TMCC3: variants seen among roughly 807,000 people sequenced by gnomAD.
TMCC3 encodes transmembrane and coiled-coil domain protein 3.
TMCC3 carries 28 observed loss-of-function variants against 40.2 expected under a neutral mutation model. That is an observed-to-expected ratio of 0.70 (90% confidence interval 0.52 to 0.95). TMCC3 has a LOEUF of 0.95. Among genes scored for constraint, TMCC3 ranks in the 40% least tolerant of loss-of-function variants. TMCC3 has a pLI of 0.00. For missense variants in TMCC3, 554 were observed against 615.2 expected (o/e 0.90, Z 1.05); for synonymous variants, 255 against 248.5 (o/e 1.03, Z -0.25).
intron 1 of TMCC3, among the ~76,000 whole-genome samples, chr12:94,613,253 C>A (rs1594287942): frequency 6.6e-6 from 1 of 151,996 alleles, no homozygotes; most frequent in East Asian, 1.9e-4. Flanking sequence ...CACATAAGCC[C>A]AGAGTTCGAG....
intron 1 of TMCC3, among the ~76,000 whole-genome samples, chr12:94,624,081 G>A (rs189011712): frequency 8.5e-5 from 13 of 152,268 alleles, no homozygotes; most frequent in East Asian, 5.8e-4. Context: ...ACTGCAATAC[G>A]ATACCACTTC....
chr12:94,570,438 CA>C lies in TMCC3; in HGVS notation c.*996del, dbSNP rs1171429309. On this transcript the variant is annotated 3_prime_UTR_variant, in exon 4 of 4. Coordinates refer to ENST00000261226, the MANE Select transcript of TMCC3 (RefSeq NM_020698.4). ...ATCACATAAAGTGAATCATATCCTC[CA>C]GGGGGGCTTATCACAATCAAGATTT... 2 of 152,140 alleles carry C rather than the reference CA, an allele frequency of 1.3e-5. No homozygotes were observed. Among genetic ancestry groups the C allele is most frequent in the Non-Finnish European group, 2.9e-5 (2 of 68,032 alleles). The allele number at this position is 152,140 out of a possible 1,614,324, so 9.4% of individuals were successfully genotyped here.
chr12:94,626,691 G>A lies in TMCC3; in HGVS notation c.78+23662C>T, dbSNP rs543687707. Among the ~76,000 whole-genome samples, 8 of 152,254 alleles carry A rather than the reference G, an allele frequency of 5.3e-5. No homozygotes were observed. In the South Asian group the frequency reaches 1.2e-3, roughly 24 times the overall value. ...GAGTCACAAGTTACAAGGATGCCAC[G>A]GCTCATGCAGACTTGGGCACAGGTT... On this transcript the variant is annotated intron_variant, in intron 1 of 3. Transcript: ENST00000261226.
chr12:94,596,745 T>C (rs2068717396), intron 1 of TMCC3, among the ~76,000 whole-genome samples: 1 of 152,064 alleles, frequency 6.6e-6, no homozygotes, highest in Admixed American at 6.6e-5. Context: ...AGTTGTTGAC[T>C]AGCAGCCAAC....
intron 1 of TMCC3, among the ~76,000 whole-genome samples, chr12:94,609,161 G>C (rs1336195819): frequency 3.3e-5 from 5 of 152,130 alleles, no homozygotes; most frequent in African/African-American, 9.7e-5. Flanking sequence ...CCAGGAGTTC[G>C]AGGTTGCAGT....
intron 1 of TMCC3, among the ~76,000 whole-genome samples, chr12:94,626,786 T>A (rs2068906256): frequency 6.6e-6 from 1 of 152,190 alleles, no homozygotes; most frequent in African/African-American, 2.4e-5. Flanking sequence ...ATTTACGTTA[T>A]CTTACATAAG....
intron 1 of TMCC3, among the ~76,000 whole-genome samples, chr12:94,583,679 T>C (rs2068621074): frequency 6.6e-6 from 1 of 152,214 alleles, no homozygotes; most frequent in African/African-American, 2.4e-5. Flanking sequence ...TCCCAGGGTC[T>C]ATGGATGCCT....
intron 1 of TMCC3, among the ~76,000 whole-genome samples, chr12:94,649,635 C>A (rs889071047): frequency 2.0e-5 from 3 of 152,250 alleles, no homozygotes; most frequent in African/African-American, 7.2e-5. Context: ...GGCTTCCTCT[C>A]CCAGGACAGA....
chr12:94,628,957 A>C (rs930103059), intron 1 of TMCC3, among the ~76,000 whole-genome samples: 4 of 152,152 alleles, frequency 2.6e-5, no homozygotes, highest in African/African-American at 9.7e-5. Flanking sequence ...TAGTTAGAAA[A>C]AAGGTGATGG....
At chr12:94,604,766 T>C (rs1389057096) in intron 1 of TMCC3, among the ~76,000 whole-genome samples, 1 of 124,560 alleles carries the variant, frequency 8.0e-6, no homozygotes, top group Non-Finnish European at 1.6e-5. Context: ...ATTGTGCCAT[T>C]GCACTTCAGC....
chr12:94,571,111 C>A lies in TMCC3; in HGVS notation c.*324G>T. 1 of 291,842 alleles carries A rather than the reference C, an allele frequency of 3.4e-6. No individual in the cohort carries two copies. The highest frequency in any genetic ancestry group is 6.4e-6 in the Non-Finnish European group (1 of 155,206). The allele number at this position is 291,842 out of a possible 1,614,324, so 18.1% of individuals were successfully genotyped here. On this transcript the variant is annotated 3_prime_UTR_variant, in exon 4 of 4. Coordinates refer to ENST00000261226, the MANE Select transcript of TMCC3 (RefSeq NM_020698.4). ...TCTGACAGAGACTTAGGAGAGAGAC[C>A]TCTTTCTTCAGGATCACCAATTATG...
At chr12:94,648,874 T>C (rs1452165113) in intron 1 of TMCC3, among the ~76,000 whole-genome samples, 2 of 152,254 alleles carry the variant, frequency 1.3e-5, no homozygotes, top group Admixed American at 6.5e-5. Context: ...GTCTGCAATA[T>C]TAACTTTACA....
intron 1 of TMCC3, among the ~76,000 whole-genome samples, chr12:94,624,193 C>T (rs535504146): frequency 5.9e-5 from 9 of 152,300 alleles, no homozygotes; most frequent in Admixed American, 1.3e-4. Context: ...GGAATATAAA[C>T]TGGTGCAACC....
chr12:94,579,076 A>C (rs764135258), intron 2 of TMCC3, among the ~76,000 whole-genome samples: 3 of 152,242 alleles, frequency 2.0e-5, no homozygotes, highest in Non-Finnish European at 4.4e-5. Context: ...CTTAACTGAC[A>C]ATACAAAATT....
chr12:94,585,473 G>A (rs959695926), intron 1 of TMCC3, among the ~76,000 whole-genome samples: 3 of 152,030 alleles, frequency 2.0e-5, no homozygotes, highest in Admixed American at 6.5e-5. Flanking sequence ...GAGGCGGGTG[G>A]ATCATAAGGT....
chr12:94,582,260 A>ATTC lies in TMCC3; in HGVS notation c.354_356dup (p.Lys118dup). 1 of 1,613,938 alleles carries ATTC rather than the reference A, an allele frequency of 6.2e-7. No individual in the cohort carries two copies. Among genetic ancestry groups the ATTC allele is most frequent in the Non-Finnish European group, 8.5e-7 (1 of 1,180,000 alleles). On this transcript the variant is annotated inframe_insertion, in exon 2 of 4. Coordinates refer to ENST00000261226, the MANE Select transcript of TMCC3 (RefSeq NM_020698.4). Reference sequence around the variant, plus strand: ...GGGCGATGGAGTGAGCTGATTTCTGATTCTTCTTCTCAAAGACTTGCTTGA... The same window carrying ATTC: ...GGGCGATGGAGTGAGCTGATTTCTGATTCTTCTTCTTCTCAAAGACTTGCTTGA...
chr12:94,618,954 G>T (rs2068861360), intron 1 of TMCC3, among the ~76,000 whole-genome samples: 1 of 152,146 alleles, frequency 6.6e-6, no homozygotes, highest in African/African-American at 2.4e-5. Flanking sequence ...CAGACAGATG[G>T]CCACATTAGA....
rs139775460 is a variant in TMCC3, at chr12:94,608,750, C to G, written c.79-26212G>C. 3.2e-3 allele frequency among the ~76,000 whole-genome samples: 480 copies of G among 152,278 alleles called. 5 individuals are homozygous for G. The highest frequency in any genetic ancestry group is 0.01 in the African/African-American group (434 of 41,534). On this transcript the variant is annotated intron_variant, in intron 1 of 3. Coordinates refer to ENST00000261226, the MANE Select transcript of TMCC3 (RefSeq NM_020698.4). ...CTCTGTCCAGCTCAAGCAGAGCATG[C>G]CAAGGTCATTTTACCTAACTCACTT...
At chr12:94,642,087 C>T (rs1253875974) in intron 1 of TMCC3, among the ~76,000 whole-genome samples, 1 of 152,060 alleles carries the variant, frequency 6.6e-6, no homozygotes, top group Non-Finnish European at 1.5e-5. Flanking sequence ...AGAAAAGTCA[C>T]AAAAACTTAA....
Sources: allele counts gnomAD v4.1 joint callset (sites outside exome capture counted in the v4.1 genomes callset), GRCh38; gene constraint gnomAD v4.1.1; transcripts MANE v1.5; gene names NCBI Gene and HGNC (gene_info 2026-07-23, HGNC 2026-07-21).